PLPPR5: variants seen among roughly 807,000 people sequenced by gnomAD.
PLPPR5 encodes the protein phospholipid phosphatase-related protein type 5.
A neutral mutation model predicts 33.9 loss-of-function variants in PLPPR5; 16 were observed. That is an observed-to-expected ratio of 0.47 (90% CI 0.32 to 0.72). The LOEUF (loss-of-function observed/expected upper bound fraction) is 0.72, where lower values mean the gene tolerates loss of function less well. PLPPR5 is among the 30% of genes least tolerant of loss of function. PLPPR5 has a pLI of 0.03. For synonymous variants in PLPPR5, 163 were observed against 150.3 expected, an observed-to-expected ratio of 1.08 and a Z score of -0.62; for missense variants, 301 against 406.7, an observed-to-expected ratio of 0.74 and a Z score of 2.23.
rs186448513 is a variant in PLPPR5 at position 98,916,649 on chromosome 1, A to G, written c.799-1729T>C. 3.9e-5 allele frequency among the ~76,000 whole-genome samples: 6 copies of G among 152,334 alleles called. No homozygotes were observed. In the East Asian group the frequency reaches 1.2e-3, roughly 29 times the overall value. On this transcript the variant is annotated intron_variant, in intron 4 of 5. Coordinates refer to ENST00000263177, the MANE Select transcript of PLPPR5 (RefSeq NM_001037317.2). Reference sequence around the variant, plus strand: ...CTTTACAAAGATAGGCAGCAGATCAAATTTGGTCTGTGGGCTGCAGTTGGC... The same window carrying G: ...CTTTACAAAGATAGGCAGCAGATCAGATTTGGTCTGTGGGCTGCAGTTGGC...
chr1:99,003,853 T>C (rs1221144581), intron 1 of PLPPR5, among the ~76,000 whole-genome samples: 4 of 152,256 alleles, frequency 2.6e-5, no homozygotes, highest in Admixed American at 6.5e-5. Context: ...CTGAGGCCTC[T>C]TCATTTAGAA....
chr1:98,925,858 C>A (rs1649738101), intron 3 of PLPPR5, among the ~76,000 whole-genome samples: 1 of 152,154 alleles, frequency 6.6e-6, no homozygotes. Context: ...CATACACAAT[C>A]CTTCTGTGTG....
chr1:98,907,350 T>C (rs1648944904), intron 5 of PLPPR5, among the ~76,000 whole-genome samples: 1 of 151,916 alleles, frequency 6.6e-6, no homozygotes, highest in African/African-American at 2.4e-5. Flanking sequence ...TACAGGCACA[T>C]GCCACCATGC....
At chr1:98,911,351 T>G (rs1649138862) in intron 5 of PLPPR5, among the ~76,000 whole-genome samples, 1 of 152,204 alleles carries the variant, frequency 6.6e-6, no homozygotes, top group Non-Finnish European at 1.5e-5. Context: ...AAATTTGTTA[T>G]GAACCTAAAA....
chr1:98,956,832 T>C (rs545642711), intron 1 of PLPPR5, 91 bp from the exon 2 acceptor site: 3 of 974,970 alleles, frequency 3.1e-6, no homozygotes, highest in Non-Finnish European at 4.3e-6. Flanking sequence ...ATGGAGCCCC[T>C]TTGAATGGTA....
intron 1 of PLPPR5, among the ~76,000 whole-genome samples, chr1:98,959,020 AT>A (rs1424615366): frequency 6.6e-6 from 1 of 152,164 alleles, no homozygotes; most frequent in African/African-American, 2.4e-5. Flanking sequence ...AATAATTCTT[AT>A]TTAATGCATA....
intron 3 of PLPPR5, among the ~76,000 whole-genome samples, chr1:98,927,301 G>T (rs1649803191): frequency 6.6e-6 from 1 of 152,160 alleles, no homozygotes; most frequent in Non-Finnish European, 1.5e-5. Context: ...AAAAACAACA[G>T]TGGGGTCTAG....
At chr1:98,946,726 G>C (rs41344950) in intron 3 of PLPPR5, among the ~76,000 whole-genome samples, 16,518 of 152,090 alleles carry the variant, frequency 0.11, 1,064 homozygotes, top group East Asian at 0.22. Flanking sequence ...ATATTCCATA[G>C]AGAACTTTAT....
At chr1:98,982,556 C>T (rs1255071033) in intron 1 of PLPPR5, among the ~76,000 whole-genome samples, 1 of 152,066 alleles carries the variant, frequency 6.6e-6, no homozygotes, top group Non-Finnish European at 1.5e-5. Flanking sequence ...CTTTCTTCGG[C>T]CCTTTTCTTT....
intron 1 of PLPPR5, among the ~76,000 whole-genome samples, chr1:98,971,842 AC>A (rs1315377951): frequency 6.6e-6 from 1 of 151,908 alleles, no homozygotes; most frequent in Admixed American, 6.6e-5. Context: ...AGTCTTTCTG[AC>A]CCCTTCATTG....
At chr1:98,980,710 A>T (rs1652032953) in intron 1 of PLPPR5, among the ~76,000 whole-genome samples, 1 of 152,104 alleles carries the variant, frequency 6.6e-6, no homozygotes, top group South Asian at 2.1e-4. Flanking sequence ...TATAGTGAGA[A>T]GATTGAAGAC....
intron 1 of PLPPR5, among the ~76,000 whole-genome samples, chr1:98,981,325 C>T (rs460747): frequency 6.6e-6 from 1 of 152,060 alleles, no homozygotes; most frequent in African/African-American, 2.4e-5. Flanking sequence ...GCTTTATGTT[C>T]TGAACCTAGC....
intron 1 of PLPPR5, among the ~76,000 whole-genome samples, chr1:98,975,112 T>A (rs938870815): frequency 2.6e-5 from 4 of 152,078 alleles, no homozygotes; most frequent in Non-Finnish European, 5.9e-5. Context: ...AGAGATCATG[T>A]TCTGTTGCAG....
intron 1 of PLPPR5, among the ~76,000 whole-genome samples, chr1:98,988,269 A>G (rs891289665): frequency 2.0e-5 from 3 of 152,126 alleles, no homozygotes; most frequent in African/African-American, 7.2e-5. Flanking sequence ...TATGTGGTCA[A>G]TCTCTATTGT....
chr1:98,939,363 A>G (rs1650293672), intron 3 of PLPPR5, among the ~76,000 whole-genome samples: 1 of 148,770 alleles, frequency 6.7e-6, no homozygotes, highest in Non-Finnish European at 1.5e-5. Flanking sequence ...TGTGCAGATT[A>G]ATTTTAAATA....
At position 98,892,666 on chromosome 1, in the gene PLPPR5, T is replaced by C. The variant is rs1334057822; in HGVS notation, c.*406A>G. ...TAAATATGGCATACTGCTGAATAGATATATGAAGATTAAAAAAATAACTAG... is the reference window on the plus strand; with the variant it reads ...TAAATATGGCATACTGCTGAATAGACATATGAAGATTAAAAAAATAACTAG... On this transcript the variant is annotated 3_prime_UTR_variant, in exon 6 of 6. Coordinates refer to ENST00000263177, the MANE Select transcript of PLPPR5 (RefSeq NM_001037317.2). The C allele has an allele frequency of 5.9e-6, 1 of 168,672 alleles. No individual in the cohort carries two copies. The highest frequency in any genetic ancestry group is 6.4e-5 in the Admixed American group (1 of 15,534). 10.4% of individuals were successfully genotyped at this position (168,672 alleles called of 1,614,324 possible). A position where few individuals can be genotyped will look rare whatever the true frequency, so the allele number is the denominator to read the frequency against.
chr1:98,961,869 CA>C (rs1346590453), intron 1 of PLPPR5, among the ~76,000 whole-genome samples: 1 of 152,168 alleles, frequency 6.6e-6, no homozygotes. Flanking sequence ...TGGTGGACTT[CA>C]TTCCTCCTAA....
In PLPPR5 at chr1:99,004,851, G is replaced by A; in HGVS notation, c.-180C>T. 1 of 267,196 alleles carries A rather than the reference G, an allele frequency of 3.7e-6. No individual in the cohort carries two copies. The highest frequency in any genetic ancestry group is 6.8e-6 in the Non-Finnish European group (1 of 147,786). 16.6% of individuals were successfully genotyped at this position (267,196 alleles called of 1,614,324 possible). On this transcript the variant is annotated 5_prime_UTR_variant, in exon 1 of 6. Transcript: ENST00000263177. The stretch of plus-strand genomic sequence containing the variant: ...CGGAGGCAGGTCCGGGCTTCGAGGC[G>A]CCGGCAGGCTGCAGAGGAGGCGGCT...
intron 1 of PLPPR5, among the ~76,000 whole-genome samples, chr1:98,996,146 A>G (rs557410487): frequency 6.6e-6 from 1 of 152,174 alleles, no homozygotes; most frequent in South Asian, 2.1e-4. Flanking sequence ...GGAAGAATAT[A>G]TCAGAATATT....
Sources: allele counts gnomAD v4.1 joint callset (sites outside exome capture counted in the v4.1 genomes callset), GRCh38; gene constraint gnomAD v4.1.1; transcripts MANE v1.5; gene names NCBI Gene and HGNC (gene_info 2026-07-23, HGNC 2026-07-21).